CA11: variants seen among roughly 807,000 people sequenced by gnomAD.
CA11 encodes the protein carbonic anhydrase 11 (inactive), also known as carbonic anhydrase-related protein 11.
CA11 carries 20 observed loss-of-function variants against 39.3 expected under a neutral mutation model. The ratio of observed to expected loss-of-function variants is 0.51; its 90% CI spans 0.36 to 0.74. The LOEUF is 0.74. Among genes scored for constraint, CA11 ranks in the 30% least tolerant of loss-of-function variants. The pLI is 0.00. For synonymous variants in CA11, 166 were observed against 172.5 expected (o/e 0.96, Z 0.29); for missense variants, 336 against 424.6 (o/e 0.79, Z 1.83).
rs981298048 is a variant in CA11, at chr19:48,645,955, C to T, written c.-323G>A. On this transcript the variant is annotated 5_prime_UTR_variant, in exon 1 of 9. Coordinates refer to ENST00000084798, the MANE Select transcript of CA11 (RefSeq NM_001217.5). ...CCAGGGCTACCTCTTGGTTCCTAAC[C>T]CACACCTCCTCTCCGTTCTCTTTTC... 4.5e-6 allele frequency: 2 copies of T among 442,538 alleles called. No individual in the cohort carries two copies. Among genetic ancestry groups the T allele is most frequent in the South Asian group, 1.1e-4 (2 of 17,428 alleles). The allele number at this position is 442,538 out of a possible 1,614,324, so 27.4% of individuals were successfully genotyped here. A position where few individuals can be genotyped will look rare whatever the true frequency, so the allele number is the denominator to read the frequency against.
chr19:48,639,312 G>C lies in CA11; in HGVS notation c.788C>G (p.Ser263Cys). The stretch of plus-strand genomic sequence containing the variant: ...GTGCGGACAGAGGGTCACCTGAAGG[G>C]AGGTGATATTGAGGGCCCGGTCAAT... The part of the protein sequence containing the change: ...ILIDRALNIT[S>C]LQMHSLRLLS... The change falls in exon 7 of 9, where the codon TCC becomes TGC. Residue 263 changes from serine to cysteine, a missense_variant. Ser to Cys is a moderately radical substitution (Grantham distance 112). Transcript: ENST00000084798. 1 of 1,613,572 alleles carries C rather than the reference G, an allele frequency of 6.2e-7. No homozygotes were observed. Among genetic ancestry groups the C allele is most frequent in the African/African-American group, 1.3e-5 (1 of 74,960 alleles).
chr19:48,640,909 C>T (rs2031062060), intron 3 of CA11, among the ~76,000 whole-genome samples: 1 of 129,802 alleles, frequency 7.7e-6, no homozygotes, highest in South Asian at 2.6e-4. Flanking sequence ...CTCCGGACCT[C>T]GTGATCCGCC....
At chr19:48,644,756 T>C (rs545671654) in intron 2 of CA11, among the ~76,000 whole-genome samples, 187 bp from the exon 3 acceptor site, 2 of 152,184 alleles carry the variant, frequency 1.3e-5, no homozygotes, top group African/African-American at 4.8e-5. Context: ...TAGAAGAATC[T>C]TGGAATAGTT....
chr19:48,640,972 C>CCTCCAACAG (rs2031064510), intron 3 of CA11, among the ~76,000 whole-genome samples: 1 of 109,564 alleles, frequency 9.1e-6, no homozygotes. Flanking sequence ...CCGCGCCCGG[C>CCTCCAACAG]TTTTTGTTTT....
Position 48,643,926 on chromosome 19 carries a change from T to C in CA11, c.285+501A>G, listed in dbSNP as rs2031165771. Reference sequence around the variant, plus strand: ...CTGACCAAAATGGAGAAAACCCATCTCTGCTAAAAATACAAAAAATTAGCT... The same window carrying C: ...CTGACCAAAATGGAGAAAACCCATCCCTGCTAAAAATACAAAAAATTAGCT... On this transcript the variant is annotated intron_variant, in intron 3 of 8. Coordinates refer to ENST00000084798, the MANE Select transcript of CA11 (RefSeq NM_001217.5). This position sits in a 1 kb window ranked among gnomAD's most constrained non-coding sequence, Gnocchi z 4.3. Among the ~76,000 whole-genome samples, 1 of 152,004 alleles carries C rather than the reference T, an allele frequency of 6.6e-6. No homozygotes were observed. Among genetic ancestry groups the C allele is most frequent in the South Asian group, 2.1e-4 (1 of 4,804 alleles).
intron 7 of CA11, 64 bp downstream of exon 7, chr19:48,639,241 G>T: frequency 6.3e-7 from 1 of 1,590,288 alleles, no homozygotes; most frequent in South Asian, 1.1e-5. Context: ...GGTGAGCAAG[G>T]GGATGCCCAG....
chr19:48,638,333 GTCCAGAT>G, intron 8 of CA11, 189 bp from the exon 9 acceptor site: 1 of 923,628 alleles, frequency 1.1e-6, no homozygotes, highest in Non-Finnish European at 1.3e-6. Context: ...GAATCGGGAC[GTCCAGAT>G]TCAGCAGTAG....
In CA11 at chr19:48,645,661, C is replaced by T; in HGVS notation, c.-29G>A. The stretch of plus-strand genomic sequence containing the variant: ...CAGGAGGCCTCCGAGGGACCCCTGC[C>T]CAACGCCCTGCCCCCCTCTCTCAGC... On this transcript the variant is annotated 5_prime_UTR_variant, in exon 1 of 9. Coordinates refer to ENST00000084798, the MANE Select transcript of CA11 (RefSeq NM_001217.5). 1 of 1,503,788 alleles carries T rather than the reference C, an allele frequency of 6.6e-7. No individual in the cohort carries two copies. The highest frequency in any genetic ancestry group is 8.9e-7 in the Non-Finnish European group (1 of 1,123,482). The allele number at this position is 1,503,788 out of a possible 1,614,324, so 93.2% of individuals were successfully genotyped here. A position where few individuals can be genotyped will look rare whatever the true frequency, so the allele number is the denominator to read the frequency against.
rs2031153373 is a variant in CA11 at position 48,643,542 on chromosome 19, A to T, written c.285+885T>A. 6.6e-6 allele frequency among the ~76,000 whole-genome samples: 1 copy of T among 151,752 alleles called. No homozygotes were observed. Reference sequence around the variant, plus strand: ...CTATTTTTGAGGCTGAGGTAGGAAGATCACTTGGGCCCAGGAATTTGAGGT... The same window carrying T: ...CTATTTTTGAGGCTGAGGTAGGAAGTTCACTTGGGCCCAGGAATTTGAGGT... On this transcript the variant is annotated intron_variant, in intron 3 of 8. Transcript: ENST00000084798. This position sits in a 1 kb window ranked among gnomAD's most constrained non-coding sequence, Gnocchi z 4.3.
intron 3 of CA11, among the ~76,000 whole-genome samples, chr19:48,641,437 T>A (rs1000364775): frequency 2.6e-5 from 4 of 152,164 alleles, no homozygotes; most frequent in African/African-American, 7.2e-5. Flanking sequence ...AATAGAGCAA[T>A]AAACAAGTAG....
intron 4 of CA11, 67 bp from the exon 5 acceptor site, chr19:48,639,950 G>A (rs2031015265): frequency 3.2e-6 from 5 of 1,542,948 alleles, no homozygotes; most frequent in Admixed American, 1.7e-5. Context: ...CAGCTTTGGG[G>A]GCCCGAATCA....
intron 3 of CA11, among the ~76,000 whole-genome samples, chr19:48,644,186 T>C (rs1267677040): frequency 6.6e-6 from 1 of 152,140 alleles, no homozygotes; most frequent in Non-Finnish European, 1.5e-5. Flanking sequence ...AGGTTTTAAA[T>C]CTGCCTGGCA....
chr19:48,644,673 G>A, intron 2 of CA11, 104 bp from the exon 3 acceptor site: 1 of 965,058 alleles, frequency 1.0e-6, no homozygotes, highest in Non-Finnish European at 1.4e-6. Flanking sequence ...CCAGATCCCA[G>A]GGGAGGAGGG....
chr19:48,640,137 G>C lies in CA11; in HGVS notation c.429C>G (p.Ala143=). ...GGTGGTTGATCTGATGTTCCGAGCC[G>C]GCTCCGTCGCGAGCTCCAAACAGCA... is the stretch of plus-strand genomic sequence containing the variant. The part of the protein sequence containing the change: ...LRLLFGARDG[A]GSEHQINHQG... The change falls in exon 4 of 9, where the codon GCC becomes GCG. Residue 143 remains alanine (A), a synonymous_variant. Coordinates refer to ENST00000084798, the MANE Select transcript of CA11 (RefSeq NM_001217.5). 2 of 1,614,032 alleles carry C rather than the reference G, an allele frequency of 1.2e-6. No individual in the cohort carries two copies. The highest frequency in any genetic ancestry group is 3.3e-5 in the Admixed American group (2 of 59,994).
At chr19:48,638,201 G>T (rs1263697499) in intron 8 of CA11, 57 bp from the exon 9 acceptor site, 16 of 1,176,210 alleles carry the variant, frequency 1.4e-5, no homozygotes, top group Non-Finnish European at 1.7e-5. Flanking sequence ...GGGGCGGGGG[G>T]TGTGCAGGGG....
At position 48,643,147 on chromosome 19, in the gene CA11, C is replaced by T. The variant is rs2031139291; in HGVS notation, c.285+1280G>A. On this transcript the variant is annotated intron_variant, in intron 3 of 8. Coordinates refer to ENST00000084798, the MANE Select transcript of CA11 (RefSeq NM_001217.5). This position sits in a 1 kb window ranked among gnomAD's most constrained non-coding sequence, Gnocchi z 4.3. The stretch of plus-strand genomic sequence containing the variant: ...CTTCCTTTCCTTCCTTCCCTTCCTT[C>T]CTTCCTTCTCTCTTTCTCTCTTTCT... 6.6e-6 allele frequency among the ~76,000 whole-genome samples: 1 copy of T among 151,930 alleles called. No individual in the cohort carries two copies. Among genetic ancestry groups the T allele is most frequent in the Non-Finnish European group, 1.5e-5 (1 of 67,960 alleles).
At chr19:48,644,227 C>T (rs1430509631) in intron 3 of CA11, among the ~76,000 whole-genome samples, 200 bp downstream of exon 3, 1 of 152,066 alleles carries the variant, frequency 6.6e-6, no homozygotes, top group Non-Finnish European at 1.5e-5. Flanking sequence ...ATTGCTTCTG[C>T]AGAGATGGGG....
chr19:48,638,241 G>A (rs2030909830), intron 8 of CA11, 97 bp from the exon 9 acceptor site: 1 of 1,204,738 alleles, frequency 8.3e-7, no homozygotes, highest in Non-Finnish European at 1.0e-6. Context: ...GGGCCCTACC[G>A]TCGGAAGTCT....
chr19:48,638,206 C>T (rs1212249854), intron 8 of CA11, 62 bp from the exon 9 acceptor site: 3 of 1,161,180 alleles, frequency 2.6e-6, no homozygotes, highest in Non-Finnish European at 1.1e-6. Context: ...GGGGGGTGTG[C>T]AGGGGGCGTG....
Sources: gnomAD v4.1 joint callset for allele counts (sites outside exome capture counted in the v4.1 genomes callset) on GRCh38, gnomAD v4.1.1 for gene constraint, Gnocchi (gnomAD v3.1) non-coding constraint, MANE v1.5 for transcripts, NCBI Gene and HGNC (gene_info 2026-07-23, HGNC 2026-07-21) for gene names.